The following SGK3 variants were observed in gnomAD, a reference collection of about 807,000 sequenced individuals.
SGK3 encodes the protein serum/glucocorticoid regulated kinase family member 3, also known as serine/threonine-protein kinase Sgk3.
Under a neutral mutation model 68.5 loss-of-function variants are expected in SGK3, and 47 were observed. The observed-to-expected ratio is 0.69, with a 90% CI of 0.54 to 0.87. The LOEUF (loss-of-function observed/expected upper bound fraction) is 0.87. SGK3 is among the 40% of genes least tolerant of loss of function. The pLI is 0.00. For synonymous variants in SGK3, 181 were observed against 189.1 expected, an observed-to-expected ratio of 0.96 and a Z score of 0.35; for missense variants, 479 against 575.5, an observed-to-expected ratio of 0.83 and a Z score of 1.72.
intron 1 of SGK3, among the ~76,000 whole-genome samples, chr8:66,723,798 T>A (rs1420710686): frequency 6.6e-6 from 1 of 152,210 alleles, no homozygotes; most frequent in African/African-American, 2.4e-5. Flanking sequence ...ATGTCTGTAG[T>A]TGTACACAGT....
At chr8:66,815,560 T>C (rs879406660) in intron 5 of SGK3, among the ~76,000 whole-genome samples, 3 of 152,216 alleles carry the variant, frequency 2.0e-5, no homozygotes, top group Non-Finnish European at 4.4e-5. Flanking sequence ...CTATCTCTAA[T>C]TGTTGCTGTA....
chr8:66,763,671 A>C (rs1806235883), intron 1 of SGK3, among the ~76,000 whole-genome samples: 1 of 151,940 alleles, frequency 6.6e-6, no homozygotes, highest in Non-Finnish European at 1.5e-5. Context: ...TGTACACATA[A>C]AATATACATA....
At chr8:66,828,753 C>T in intron 7 of SGK3, 50 bp downstream of exon 7, 1 of 1,598,498 alleles carries the variant, frequency 6.3e-7, no homozygotes, top group Non-Finnish European at 8.6e-7. Context: ...TTAGGAAGAT[C>T]TTTTTTGAGC....
At chr8:66,854,876 C>T (rs1385585344) in intron 16 of SGK3, among the ~76,000 whole-genome samples, 1 of 152,046 alleles carries the variant, frequency 6.6e-6, no homozygotes, top group African/African-American at 2.4e-5. Context: ...GGGCTGAACA[C>T]AGTGGCTCAT....
intron 1 of SGK3, among the ~76,000 whole-genome samples, chr8:66,748,378 C>G (rs770922107): frequency 5.3e-5 from 8 of 152,176 alleles, no homozygotes; most frequent in Non-Finnish European, 8.8e-5. Flanking sequence ...CAGTGAGTTG[C>G]TGGAGGGAAC....
At chr8:66,837,031 A>G (rs909737481) in intron 10 of SGK3, among the ~76,000 whole-genome samples, 2 of 152,188 alleles carry the variant, frequency 1.3e-5, no homozygotes, top group Non-Finnish European at 2.9e-5. Flanking sequence ...TCCATTGAGT[A>G]TTACTTAGTA....
intron 15 of SGK3, among the ~76,000 whole-genome samples, chr8:66,847,823 G>C (rs1273595612): frequency 6.9e-6 from 1 of 144,034 alleles, no homozygotes; most frequent in Non-Finnish European, 1.5e-5. Context: ...AGTGCCTCCT[G>C]TCTGCATGAG....
chr8:66,723,090 CAT>C (rs1168038766), intron 1 of SGK3, among the ~76,000 whole-genome samples: 299 of 21,258 alleles, frequency 0.014, 2 homozygotes, highest in African/African-American at 0.026. Context: ...AGATTTTGTT[CAT>C]ATATATATAT....
chr8:66,828,962 T>TG (rs893096517), intron 7 of SGK3, among the ~76,000 whole-genome samples: 2 of 51,122 alleles, frequency 3.9e-5, no homozygotes, highest in Non-Finnish European at 5.1e-5. Flanking sequence ...GGTGGGTGGG[T>TG]GGGGGGTGTG....
At chr8:66,717,033 TAA>T (rs528976087) in intron 1 of SGK3, among the ~76,000 whole-genome samples, 7 of 139,862 alleles carry the variant, frequency 5.0e-5, no homozygotes, top group Admixed American at 7.2e-5. Context: ...CTGTCTCTAC[TAA>T]AAAAAAAAAA....
chr8:66,828,766 A>G, intron 7 of SGK3, 63 bp downstream of exon 7: 1 of 1,571,216 alleles, frequency 6.4e-7, no homozygotes, highest in Non-Finnish European at 8.8e-7. Flanking sequence ...TTTTGAGCGT[A>G]TGCAGATATG....
intron 1 of SGK3, chr8:66,737,077 C>T (rs1805339460): frequency 6.6e-6 from 1 of 151,766 alleles, no homozygotes; most frequent in African/African-American, 2.4e-5. Context: ...TGTGCCCAAC[C>T]AATAATATTC....
chr8:66,767,906 C>T, intron 1 of SGK3: 1 of 1,188,896 alleles, frequency 8.4e-7, no homozygotes, highest in Non-Finnish European at 1.3e-6. Flanking sequence ...CCATCTAAGG[C>T]TTTGATTGAA....
At chr8:66,806,869 GA>G (rs937580808) in intron 4 of SGK3, among the ~76,000 whole-genome samples, 3 of 151,676 alleles carry the variant, frequency 2.0e-5, no homozygotes, top group Non-Finnish European at 2.9e-5. Flanking sequence ...TGTAATATGT[GA>G]AAAAAATTTA....
chr8:66,754,773 G>T (rs959406102), intron 1 of SGK3, among the ~76,000 whole-genome samples: 4 of 152,252 alleles, frequency 2.6e-5, no homozygotes, highest in African/African-American at 9.6e-5. Context: ...ATCTGTACTT[G>T]TTTGGCATCA....
chr8:66,856,071 CTTTT>C (rs60655532), intron 16 of SGK3, among the ~76,000 whole-genome samples: 1 of 144,018 alleles, frequency 6.9e-6, no homozygotes, highest in Non-Finnish European at 1.5e-5. Flanking sequence ...CTCAACTGTT[CTTTT>C]TTTTTTTTTT....
chr8:66,794,110 T>C (rs1305758349), intron 2 of SGK3, among the ~76,000 whole-genome samples: 1 of 152,228 alleles, frequency 6.6e-6, no homozygotes, highest in Non-Finnish European at 1.5e-5. Flanking sequence ...TACACATGGA[T>C]CTATGCACAC....
chr8:66,738,392 G>C (rs948978761), intron 1 of SGK3, among the ~76,000 whole-genome samples: 1 of 152,136 alleles, frequency 6.6e-6, no homozygotes, highest in Admixed American at 6.6e-5. Flanking sequence ...AGATGTGACC[G>C]TTGTCATTCC....
At chr8:66,801,693 A>G (rs1482803610) in intron 3 of SGK3, among the ~76,000 whole-genome samples, 1 of 151,912 alleles carries the variant, frequency 6.6e-6, no homozygotes, top group Non-Finnish European at 1.5e-5. Flanking sequence ...CACCCCACAT[A>G]CACCACATAC....
Sources: allele counts gnomAD v4.1 joint callset (sites outside exome capture counted in the v4.1 genomes callset), GRCh38; gene constraint gnomAD v4.1.1; transcripts MANE v1.5; gene names NCBI Gene and HGNC (gene_info 2026-07-23, HGNC 2026-07-21).